CRHBP: variants seen among roughly 807,000 people sequenced by gnomAD.
CRHBP encodes corticotropin-releasing hormone-binding protein.
Under a neutral mutation model 34.9 loss-of-function variants are expected in CRHBP, and 19 were observed. That is an observed-to-expected ratio of 0.55 (90% CI 0.38 to 0.80). The LOEUF (loss-of-function observed/expected upper bound fraction) is 0.80. Among genes scored for constraint, CRHBP ranks in the 30% least tolerant of loss-of-function variants. CRHBP has a pLI of 0.00. For synonymous variants in CRHBP, 154 were observed against 153.4 expected (o/e 1.00, Z -0.03); for missense variants, 328 against 409.2 (o/e 0.80, Z 1.71).
At position 76,954,019 on chromosome 5, in the gene CRHBP, C is replaced by G. The variant is rs1220888669; in HGVS notation, c.176-10C>G. On this transcript the variant is annotated splice_polypyrimidine_tract_variant and intron_variant, in intron 2 of 6. Coordinates refer to ENST00000274368, the MANE Select transcript of CRHBP (RefSeq NM_001882.4). ...CCCGGGACTTATTGCCCCATGCCCT[C>G]CTCCCCCAGGGTGCCTGGACATGCT... 6.2e-7 allele frequency: 1 copy of G among 1,608,606 alleles called. No individual in the cohort carries two copies. Among genetic ancestry groups the G allele is most frequent in the South Asian group, 1.1e-5 (1 of 90,494 alleles).
At chr5:76,980,254 CAA>C (rs574362034) in intron 3 of CRHBP, among the ~76,000 whole-genome samples, 17,451 of 81,990 alleles carry the variant, frequency 0.21, 1,394 homozygotes, top group African/African-American at 0.39. Flanking sequence ...GACTCCGTCT[CAA>C]AAAAAAAAAA....
At chr5:76,959,242 A>G (rs147865516) in intron 5 of CRHBP, among the ~76,000 whole-genome samples, 17 of 152,354 alleles carry the variant, frequency 1.1e-4, no homozygotes, top group African/African-American at 4.1e-4. Flanking sequence ...TGAGTCATCT[A>G]CACAGCTGTT....
At chr5:76,965,401 A>G (rs965485380) in intron 6 of CRHBP, among the ~76,000 whole-genome samples, 1 of 152,228 alleles carries the variant, frequency 6.6e-6, no homozygotes, top group Non-Finnish European at 1.5e-5. Flanking sequence ...AAGATTTCCA[A>G]AATCCCACTT....
intron 3 of CRHBP, among the ~76,000 whole-genome samples, chr5:76,979,470 C>T (rs1208277870): frequency 1.3e-5 from 2 of 152,156 alleles, no homozygotes; most frequent in Non-Finnish European, 2.9e-5. Flanking sequence ...CCTGCCTCAG[C>T]CTCCCGAGTA....
intron 3 of CRHBP, 30 bp downstream of exon 3, chr5:76,954,216 C>T (rs1244404651): frequency 5.0e-6 from 8 of 1,604,810 alleles, no homozygotes; most frequent in African/African-American, 1.3e-5. Context: ...CCAACCTAGC[C>T]GGAGGGCGGC....
chr5:76,963,188 G>C (rs1043763057), intron 5 of CRHBP, 155 bp from the exon 6 acceptor site: 1 of 591,762 alleles, frequency 1.7e-6, no homozygotes, highest in Non-Finnish European at 3.0e-6. Context: ...TCTTTTAAAT[G>C]TCTTTTAATT....
rs1745729078 is a variant in CRHBP at position 76,958,757 on chromosome 5, T to G, written c.561T>G (p.Ser187=). The G allele has an allele frequency of 1.2e-6, 2 of 1,607,732 alleles. No homozygotes were observed. Among genetic ancestry groups the G allele is most frequent in the South Asian group, 2.2e-5 (2 of 88,916 alleles). The change falls in exon 5 of 7, where the codon TCT becomes TCG. Residue 187 remains serine (S), a synonymous_variant. Transcript: ENST00000274368. ...DPNLFPCNVI[S]QTPNGKFTLV... ...TCTACAAAGCTTGCAATGTCATTTC[T>G]CAGACTCCAAATGGAAAGTTTACCC...
intron 4 of CRHBP, among the ~76,000 whole-genome samples, chr5:76,958,224 G>A (rs1192852694): frequency 6.6e-6 from 1 of 151,974 alleles, no homozygotes; most frequent in Non-Finnish European, 1.5e-5. Flanking sequence ...CTGCCGAGCT[G>A]CATCCTAGGC....
At position 76,967,680 on chromosome 5, in the gene CRHBP, T is replaced by C. The variant is rs111926350; in HGVS notation, c.812-1048T>C. On this transcript the variant is annotated intron_variant, in intron 6 of 6. Coordinates refer to ENST00000274368, the MANE Select transcript of CRHBP (RefSeq NM_001882.4). ...GAGATATAAAAGTTGTCAGATCTTA[T>C]ATAAATAATGAATAAGATTGGATTT... 5.4e-3 allele frequency among the ~76,000 whole-genome samples: 827 copies of C among 152,070 alleles called. 9 individuals are homozygous for C. Among genetic ancestry groups the C allele is most frequent in the African/African-American group, 0.018 (727 of 41,460 alleles).
intron 4 of CRHBP, among the ~76,000 whole-genome samples, chr5:76,957,724 T>C (rs201420452): frequency 2.6e-5 from 4 of 152,108 alleles, no homozygotes; most frequent in African/African-American, 9.7e-5. Context: ...AAACAAAAAA[T>C]TGTAGAAGTT....
At position 76,968,194 on chromosome 5, in the gene CRHBP, GT is replaced by G. The variant is rs1197546143; in HGVS notation, c.812-525del. ...TAAATTCAGAAAATGATAAACAGGT[GT>G]TTTTTTTTGTTTTTTTTTTTTTTGG... is the stretch of plus-strand genomic sequence containing the variant. On this transcript the variant is annotated intron_variant, in intron 6 of 6. Coordinates refer to ENST00000274368, the MANE Select transcript of CRHBP (RefSeq NM_001882.4). 1.2e-4 allele frequency among the ~76,000 whole-genome samples: 15 copies of G among 124,794 alleles called. No individual in the cohort carries two copies. In the East Asian group the frequency reaches 2.0e-3, roughly 17 times the overall value. The allele number at this position is 124,794 out of a possible 152,430, so 81.9% of individuals were successfully genotyped here.
intron 2 of CRHBP, among the ~76,000 whole-genome samples, chr5:76,975,825 A>AAAAAT: frequency 4.8e-5 from 3 of 61,860 alleles, no homozygotes; most frequent in East Asian, 5.2e-4. Flanking sequence ...AAAAAAAAAA[A>AAAAAT]ATATATATAT....
At position 76,958,669 on chromosome 5, in the gene CRHBP, T is replaced by C. The variant is rs1162836419; in HGVS notation, c.545-72T>C. The C allele has an allele frequency of 1.9e-5, 29 of 1,508,052 alleles. No individual in the cohort carries two copies. In the Middle Eastern group the frequency reaches 6.8e-4, roughly 35 times the overall value. The allele number at this position is 1,508,052 out of a possible 1,614,324, so 93.4% of individuals were successfully genotyped here. On this transcript the variant is annotated intron_variant, in intron 4 of 6. Coordinates refer to ENST00000274368, the MANE Select transcript of CRHBP (RefSeq NM_001882.4). ...CATGAACAGGAGCCCTAGAATAAGA[T>C]ACAATAAATGTCTATAAAAACCTAG...
At chr5:76,978,304 C>T (rs916483345) in intron 3 of CRHBP, among the ~76,000 whole-genome samples, 44 of 152,276 alleles carry the variant, frequency 2.9e-4, no homozygotes, top group African/African-American at 1.0e-3. Flanking sequence ...AAAGAGAAGT[C>T]AATACCTGGT....
At chr5:76,971,106 G>T (rs535687102), downstream of CRHBP, among the ~76,000 whole-genome samples, 1 of 152,254 alleles carries the variant, frequency 6.6e-6, no homozygotes, top group South Asian at 2.1e-4. Context: ...TCCATCAAGC[G>T]AGTAAAAGTT....
chr5:76,976,197 T>G (rs1318861955), intron 2 of CRHBP, among the ~76,000 whole-genome samples: 1 of 151,896 alleles, frequency 6.6e-6, no homozygotes, highest in Non-Finnish European at 1.5e-5. Context: ...AGAAAGAGTA[T>G]GAGATGCTGA....
At chr5:76,953,328 C>A in intron 1 of CRHBP, 113 bp downstream of exon 1, 1 of 1,012,426 alleles carries the variant, frequency 9.9e-7, no homozygotes, top group Non-Finnish European at 1.5e-6. Flanking sequence ...TCCCTCTCTG[C>A]TGGATGCTGT....
downstream of CRHBP, among the ~76,000 whole-genome samples, chr5:76,972,370 G>A (rs1321478562): frequency 6.6e-6 from 1 of 152,022 alleles, no homozygotes; most frequent in African/African-American, 2.4e-5. Context: ...CATGGAGGCA[G>A]GCGCCTGTAA....
intron 3 of CRHBP, 59 bp downstream of exon 3, chr5:76,954,245 G>A: frequency 6.4e-7 from 1 of 1,572,502 alleles, no homozygotes; most frequent in Non-Finnish European, 8.6e-7. Flanking sequence ...GTTGGAAAGG[G>A]CTGGGGCGCT....
Sources: gnomAD v4.1 joint callset for allele counts (sites outside exome capture counted in the v4.1 genomes callset) on GRCh38, gnomAD v4.1.1 for gene constraint, MANE v1.5 for transcripts, NCBI Gene and HGNC (gene_info 2026-07-23, HGNC 2026-07-21) for gene names.